Variants in APP observed in about 807,000 individuals in gnomAD.
APP encodes amyloid-beta precursor protein.
A neutral mutation model predicts 101.4 loss-of-function variants in APP; 31 were observed. The ratio of observed to expected loss-of-function variants is 0.31; its 90% CI spans 0.23 to 0.41. The LOEUF is 0.41. Ranked by LOEUF, APP falls within the 10% of genes least tolerant of loss-of-function variation. The pLI is 1.00. For missense variants in APP, 839 were observed against 1,003.7 expected, an observed-to-expected ratio of 0.84 and a Z score of 2.22; for synonymous variants, 366 against 364.4, an observed-to-expected ratio of 1.00 and a Z score of -0.05.
At chr21:25,996,449 A>G (rs970340145) in intron 8 of APP, among the ~76,000 whole-genome samples, 20 of 152,220 alleles carry the variant, frequency 1.3e-4, no homozygotes, top group Admixed American at 6.5e-5. Flanking sequence ...GAAACAAGTT[A>G]CTTATGTATT....
At chr21:26,140,374 G>A in intron 1 of APP, 1 of 1,473,160 alleles carries the variant, frequency 6.8e-7, no homozygotes, top group Non-Finnish European at 8.9e-7. Context: ...ACCACGCACA[G>A]CAAGGCTGTG....
intron 8 of APP, among the ~76,000 whole-genome samples, chr21:25,991,207 G>A (rs1349925785): frequency 8.2e-6 from 1 of 122,464 alleles, no homozygotes; most frequent in Non-Finnish European, 1.7e-5. Flanking sequence ...CTACGTATTG[G>A]GTACAATGTA....
intron 7 of APP, 36 bp downstream of exon 7, chr21:25,999,979 C>T (rs201292020): frequency 2.1e-5 from 34 of 1,610,402 alleles, no homozygotes; most frequent in East Asian, 9.0e-5. Flanking sequence ...GCGAGAGAGA[C>T]GAAAGGTGGC....
chr21:25,928,752 C>G (rs1257616030), intron 13 of APP: 1 of 32,828 alleles, frequency 3.0e-5, no homozygotes, highest in African/African-American at 1.3e-4. Flanking sequence ...AATTTTGATG[C>G]CTTTTTTTTT....
At chr21:26,156,168 T>C (rs968829610) in intron 1 of APP, among the ~76,000 whole-genome samples, 1 of 152,198 alleles carries the variant, frequency 6.6e-6, no homozygotes, top group African/African-American at 2.4e-5. Flanking sequence ...TTTATCTTAC[T>C]TCATAAAAAG....
chr21:26,002,255 C>T (rs974127294), intron 6 of APP, among the ~76,000 whole-genome samples: 1 of 152,260 alleles, frequency 6.6e-6, no homozygotes, highest in African/African-American at 2.4e-5. Context: ...TTAGTGCTGA[C>T]TGTCCCTCCT....
chr21:26,091,388 A>G (rs2061822677), intron 2 of APP, among the ~76,000 whole-genome samples: 1 of 152,178 alleles, frequency 6.6e-6, no homozygotes, highest in Non-Finnish European at 1.5e-5. Context: ...TGAAATTAAA[A>G]TTTTGGAGGA....
intron 11 of APP, among the ~76,000 whole-genome samples, chr21:25,972,858 A>G (rs114120070): frequency 1.5e-3 from 236 of 152,288 alleles, no homozygotes; most frequent in African/African-American, 5.5e-3. Context: ...GTTTAAAGAA[A>G]AACATCAACA....
chr21:26,051,371 C>T (rs1418568884), intron 4 of APP, among the ~76,000 whole-genome samples, 178 bp from the exon 5 acceptor site: 2 of 121,696 alleles, frequency 1.6e-5, no homozygotes, highest in East Asian at 5.4e-4. Flanking sequence ...ATGGGTTACA[C>T]TTTGGTACTC....
chr21:26,031,026 T>C (rs1055885471), intron 5 of APP, among the ~76,000 whole-genome samples: 1 of 146,450 alleles, frequency 6.8e-6, no homozygotes, highest in Non-Finnish European at 1.5e-5. Context: ...CACTAGCACA[T>C]TACAAGGTGA....
intron 3 of APP, among the ~76,000 whole-genome samples, chr21:26,073,761 G>A (rs1282777561): frequency 2.0e-5 from 3 of 152,212 alleles, no homozygotes; most frequent in Non-Finnish European, 4.4e-5. Context: ...ACCTACTGAA[G>A]AAGCTGTGTG....
At chr21:25,925,221 A>ATC (rs2039835315) in intron 13 of APP, among the ~76,000 whole-genome samples, 2 of 12 alleles carry the variant, frequency 0.17, no homozygotes, top group Non-Finnish European at 0.25. Context: ...GGGCTATGAG[A>ATC]AACAGATTTA....
rs112309765 is a variant in APP, at chr21:26,053,052, C to T, written c.468+184G>A. On this transcript the variant is annotated intron_variant, in intron 4 of 17. Coordinates refer to ENST00000346798, the MANE Select transcript of APP (RefSeq NM_000484.4). Reference sequence around the variant, plus strand: ...GTACACGGGAACTCTATTTTCTGTTCGATTTTGCTGTGAACCTAAAATCAC... The same window carrying T: ...GTACACGGGAACTCTATTTTCTGTTTGATTTTGCTGTGAACCTAAAATCAC... Among the ~76,000 whole-genome samples, 543 of 152,122 alleles carry T rather than the reference C, an allele frequency of 3.6e-3. 2 individuals are homozygous for T. Among genetic ancestry groups the T allele is most frequent in the African/African-American group, 0.012 (498 of 41,488 alleles).
intron 1 of APP, among the ~76,000 whole-genome samples, chr21:26,140,974 T>C (rs1374860766): frequency 3.3e-5 from 5 of 152,206 alleles, no homozygotes; most frequent in Non-Finnish European, 5.9e-5. Context: ...TGAGACTGCA[T>C]AGGTTTAAAT....
chr21:25,914,900 G>A (rs1041776472), intron 13 of APP, among the ~76,000 whole-genome samples: 1 of 152,108 alleles, frequency 6.6e-6, no homozygotes, highest in Admixed American at 6.5e-5. Context: ...TCTATTGTTT[G>A]TTTATAAATT....
At chr21:25,883,677 AG>A (rs1053482426) in intron 17 of APP, among the ~76,000 whole-genome samples, 47 of 152,210 alleles carry the variant, frequency 3.1e-4, no homozygotes, top group African/African-American at 1.1e-3. Context: ...TGGGCAACAG[AG>A]GGAGACTCTG....
At position 25,880,786 on chromosome 21, in the gene APP, A is replaced by C. The variant is rs543194262; in HGVS notation, c.*884T>G. The stretch of plus-strand genomic sequence containing the variant: ...ATTTAATGTCTGTAGTCATCCTTCA[A>C]AGAAAAGTCTTGCCCGGGGTTATTT... On this transcript the variant is annotated 3_prime_UTR_variant, in exon 18 of 18. Coordinates refer to ENST00000346798, the MANE Select transcript of APP (RefSeq NM_000484.4). 2 of 152,442 alleles carry C rather than the reference A, an allele frequency of 1.3e-5. No homozygotes were observed. The highest frequency in any genetic ancestry group is 4.8e-5 in the African/African-American group (2 of 41,558). The allele number at this position is 152,442 out of a possible 1,614,324, so 9.4% of individuals were successfully genotyped here.
intron 1 of APP, among the ~76,000 whole-genome samples, chr21:26,152,153 C>T (rs1481005812): frequency 4.0e-5 from 6 of 151,608 alleles, no homozygotes; most frequent in Non-Finnish European, 5.9e-5. Context: ...GGCGTGGTGG[C>T]GGGCGCCCGT....
intron 2 of APP, among the ~76,000 whole-genome samples, chr21:26,110,072 T>TA (rs1568986733): frequency 6.6e-6 from 1 of 152,242 alleles, no homozygotes; most frequent in Non-Finnish European, 1.5e-5. Flanking sequence ...TGACACTTTA[T>TA]AAAAGTCACA....
Sources: allele counts gnomAD v4.1 joint callset (sites outside exome capture counted in the v4.1 genomes callset), GRCh38; gene constraint gnomAD v4.1.1; transcripts MANE v1.5; gene names NCBI Gene and HGNC (gene_info 2026-07-23, HGNC 2026-07-21).